APLP2: variants seen among roughly 807,000 people sequenced by gnomAD.
APLP2 encodes the protein amyloid beta precursor like protein 2, also known as CDEI box-binding protein.
In APLP2, 53 loss-of-function variants were observed where a neutral mutation model predicts 89.9. The observed-to-expected ratio is 0.59, with a 90% confidence interval of 0.47 to 0.74. APLP2 has a LOEUF of 0.74. APLP2 is among the 30% of genes least tolerant of loss of function. APLP2 has a pLI of 0.00. For synonymous variants in APLP2, 372 were observed against 348.6 expected (o/e 1.07, Z -0.75); for missense variants, 973 against 975.9 (o/e 1.00, Z 0.04).
rs542688342 is a variant in APLP2 at position 130,123,699 on chromosome 11, G to C, written c.1010G>C (p.Arg337Pro). The change falls in exon 7 of 17, where the codon CGC becomes CCC. Residue 337 changes from arginine (R) to proline (P), a missense_variant. Coordinates refer to ENST00000338167, the MANE Select transcript of APLP2 (RefSeq NM_001142276.2). This position sits in a 1 kb window ranked among gnomAD's most constrained non-coding sequence, Gnocchi z 4.0. ...YFDLSKGKCV[R>P]FIYGGCGGNR... ...GACCTCTCCAAGGGAAAGTGCGTGC[G>C]CTTTATATATGGTGGCTGCGGCGGC... The C allele has an allele frequency of 6.2e-7, 1 of 1,614,258 alleles. No individual in the cohort carries two copies. Among genetic ancestry groups the C allele is most frequent in the Non-Finnish European group, 8.5e-7 (1 of 1,180,050 alleles).
chr11:130,100,365 A>G (rs1946740045), intron 1 of APLP2: 1 of 152,144 alleles, frequency 6.6e-6, no homozygotes, highest in Admixed American at 6.5e-5. Flanking sequence ...CTATTTTATA[A>G]TGGGCAATCA....
chr11:130,118,428 G>A (rs1164329452), intron 3 of APLP2, among the ~76,000 whole-genome samples: 2 of 152,162 alleles, frequency 1.3e-5, no homozygotes, highest in African/African-American at 4.8e-5. Context: ...AAGAAACCGA[G>A]GGACAGAAAG....
chr11:130,120,407 G>A (rs1311238263), intron 3 of APLP2, among the ~76,000 whole-genome samples: 2 of 152,178 alleles, frequency 1.3e-5, no homozygotes, highest in Admixed American at 1.3e-4. Context: ...TCTGAGGCGG[G>A]CATGGAGGTG....
chr11:130,091,605 T>C (rs1418421250), intron 1 of APLP2, among the ~76,000 whole-genome samples: 31 of 87,442 alleles, frequency 3.5e-4, no homozygotes, highest in African/African-American at 8.7e-4. Flanking sequence ...GACCCCCCCA[T>C]CTCCCTCCCA....
At chr11:130,093,735 T>A (rs1426011725) in intron 1 of APLP2, among the ~76,000 whole-genome samples, 1 of 152,118 alleles carries the variant, frequency 6.6e-6, no homozygotes, top group Non-Finnish European at 1.5e-5. Flanking sequence ...ATCTTGGAAC[T>A]TTTATTTTTT....
At position 130,144,687 on chromosome 11, in the gene APLP2, T is replaced by C. The variant is rs1952769504; in HGVS notation, c.*1239T>C. ...TTGTTTTTTTCCTTTTTCCTCCCCTTTGACCCTATTCATGTCTCTACCCAC... is the reference window on the plus strand; with the variant it reads ...TTGTTTTTTTCCTTTTTCCTCCCCTCTGACCCTATTCATGTCTCTACCCAC... On this transcript the variant is annotated 3_prime_UTR_variant, in exon 17 of 17. Coordinates refer to ENST00000338167, the MANE Select transcript of APLP2 (RefSeq NM_001142276.2). 1 of 149,328 alleles carries C rather than the reference T, an allele frequency of 6.7e-6. No homozygotes were observed. Among genetic ancestry groups the C allele is most frequent in the Non-Finnish European group, 1.5e-5 (1 of 65,884 alleles). The allele number at this position is 149,328 out of a possible 1,614,324, so 9.3% of individuals were successfully genotyped here.
At chr11:130,070,239 C>G (rs1173927518) in intron 1 of APLP2, among the ~76,000 whole-genome samples, 157 bp downstream of exon 1, 1 of 150,852 alleles carries the variant, frequency 6.6e-6, no homozygotes, top group Non-Finnish European at 1.5e-5. Flanking sequence ...CCGCCCGTCC[C>G]TGCTTGGCGC....
At chr11:130,122,634 A>C in intron 6 of APLP2, 121 bp downstream of exon 6, 1 of 1,496,296 alleles carries the variant, frequency 6.7e-7, no homozygotes. Flanking sequence ...CTCTGCACTG[A>C]AGGTGAGTTC....
chr11:130,126,191 A>G (rs140297777), intron 7 of APLP2, among the ~76,000 whole-genome samples: 2 of 152,224 alleles, frequency 1.3e-5, no homozygotes, highest in African/African-American at 4.8e-5. Flanking sequence ...TGCAAAGAAC[A>G]TTCACTTGAG....
At chr11:130,094,538 G>A (rs190294431) in intron 1 of APLP2, among the ~76,000 whole-genome samples, 1 of 152,346 alleles carries the variant, frequency 6.6e-6, no homozygotes, top group Admixed American at 6.5e-5. Context: ...AAAGGATTGG[G>A]AAGATTGGCT....
At chr11:130,087,395 C>T (rs1373920656) in intron 1 of APLP2, among the ~76,000 whole-genome samples, 2 of 152,148 alleles carry the variant, frequency 1.3e-5, no homozygotes, top group Non-Finnish European at 2.9e-5. Context: ...AAAAATTCCG[C>T]TCTGGTTTTA....
intron 13 of APLP2, 150 bp downstream of exon 13, chr11:130,135,865 T>C (rs1467897806): frequency 1.1e-6 from 1 of 926,564 alleles, no homozygotes; most frequent in Non-Finnish European, 1.6e-6. Flanking sequence ...GAGCGCCTAC[T>C]GTGTGCAAGG....
At chr11:130,144,802 TCCA>T (rs1482075224) in exon 17 of APLP2, 1 of 151,986 alleles carries the variant, frequency 6.6e-6, no homozygotes, top group Non-Finnish European at 1.5e-5. Flanking sequence ...TACTTTAACT[TCCA>T]CCGAGACTGC....
At chr11:130,096,711 CT>C (rs1167238642) in intron 1 of APLP2, among the ~76,000 whole-genome samples, 7 of 152,264 alleles carry the variant, frequency 4.6e-5, no homozygotes, top group African/African-American at 1.7e-4. Flanking sequence ...GAGCAAGACC[CT>C]GTCTCTAAAA....
chr11:130,098,458 C>G (rs937070837), intron 1 of APLP2, among the ~76,000 whole-genome samples: 4 of 151,022 alleles, frequency 2.6e-5, no homozygotes, highest in Non-Finnish European at 4.4e-5. Context: ...TTATTTTTTC[C>G]CAGATACGTT....
At chr11:130,088,766 AAT>A (rs1173688458) in intron 1 of APLP2, among the ~76,000 whole-genome samples, 1 of 151,976 alleles carries the variant, frequency 6.6e-6, no homozygotes, top group Non-Finnish European at 1.5e-5. Flanking sequence ...TTTGTTCAGA[AAT>A]AGACTCCCAA....
intron 4 of APLP2, among the ~76,000 whole-genome samples, chr11:130,121,308 A>G (rs1949791809): frequency 6.6e-6 from 1 of 152,234 alleles, no homozygotes; most frequent in Non-Finnish European, 1.5e-5. Flanking sequence ...GTGAGTATCT[A>G]TTAACATTGA....
intron 1 of APLP2, among the ~76,000 whole-genome samples, chr11:130,095,143 G>A (rs980816606): frequency 6.6e-5 from 10 of 152,160 alleles, no homozygotes; most frequent in Admixed American, 5.9e-4. Context: ...CACACCTGTA[G>A]TCCCAGCTCT....
intron 1 of APLP2, among the ~76,000 whole-genome samples, chr11:130,098,408 A>C (rs1946494669): frequency 6.6e-6 from 1 of 152,152 alleles, no homozygotes; most frequent in African/African-American, 2.4e-5. Context: ...CGTCTCAAAA[A>C]AAAAAAAAAA....
Sources: allele counts gnomAD v4.1 joint callset (sites outside exome capture counted in the v4.1 genomes callset), GRCh38; gene constraint gnomAD v4.1.1; non-coding constraint Gnocchi (gnomAD v3.1); transcripts MANE v1.5; gene names NCBI Gene and HGNC (gene_info 2026-07-23, HGNC 2026-07-21).